The following LPA variants were observed in gnomAD, a reference collection of about 807,000 sequenced individuals.
LPA encodes apolipoprotein(a).
In LPA, 199 loss-of-function variants were observed where a neutral mutation model predicts 197.9. That is an observed-to-expected ratio of 1.01 (90% confidence interval 0.90 to 1.13). The LOEUF (loss-of-function observed/expected upper bound fraction) is 1.13, where lower values mean the gene tolerates loss of function less well. Ranked by LOEUF, LPA falls within the 50% of genes most tolerant of loss-of-function variation. LPA has a pLI of 0.00. For synonymous variants in LPA, 715 were observed against 639.5 expected, an observed-to-expected ratio of 1.12 and a Z score of -1.78; for missense variants, 1,853 against 1,785.8, an observed-to-expected ratio of 1.04 and a Z score of -0.68.
chr6:160,579,769 A>C (rs1778755568), intron 26 of LPA, among the ~76,000 whole-genome samples: 1 of 152,260 alleles, frequency 6.6e-6, no homozygotes, highest in African/African-American at 2.4e-5. Context: ...TACACATGTG[A>C]CCTAGTCTCA....
chr6:160,578,627 C>A lies in LPA; in HGVS notation c.4367G>T (p.Arg1456Met). ...PWCYTMDPSV[R>M]WEYCNLTRCP... The stretch of plus-strand genomic sequence containing the variant: ...TCGTGTCAGGTTGCAGTACTCCCAC[C>A]TGACACTGGGATCCATGGTGTAACA... The change falls in exon 27 of 39, where the codon AGG becomes ATG. Residue 1456 changes from arginine (R) to methionine (M), a missense_variant. Around this residue, in one of 3 missense-constraint regions of LPA, gnomAD observed 1,737 missense variants for 1,504.4 expected, o/e 1.15. Transcript: ENST00000316300. The A allele has an allele frequency of 6.2e-7, 1 of 1,614,020 alleles. No individual in the cohort carries two copies. The highest frequency in any genetic ancestry group is 8.5e-7 in the Non-Finnish European group (1 of 1,179,920).
intron 37 of LPA, among the ~76,000 whole-genome samples, chr6:160,533,552 T>C (rs1170182667): frequency 2.0e-5 from 3 of 152,220 alleles, no homozygotes; most frequent in Non-Finnish European, 4.4e-5. Context: ...ATAAATTTCA[T>C]TCTTATTCCT....
chr6:160,601,925 C>T (rs980660354), intron 18 of LPA, among the ~76,000 whole-genome samples: 4 of 152,196 alleles, frequency 2.6e-5, no homozygotes, highest in African/African-American at 9.6e-5. Flanking sequence ...GCTGGGCAGA[C>T]TATGAGGTCT....
At chr6:160,570,607 A>C (rs889578708) in intron 28 of LPA, among the ~76,000 whole-genome samples, 10 of 152,202 alleles carry the variant, frequency 6.6e-5, no homozygotes, top group African/African-American at 2.4e-4. Flanking sequence ...CACCTTGTGC[A>C]CATGTACCCT....
intron 1 of LPA, among the ~76,000 whole-genome samples, chr6:160,652,898 C>G (rs558419412): frequency 6.6e-6 from 1 of 151,804 alleles, no homozygotes; most frequent in Non-Finnish European, 1.5e-5. Context: ...AATACTAAAA[C>G]CATTAAAAAT....
intron 27 of LPA, 131 bp from the exon 28 acceptor site, chr6:160,577,426 G>A (rs1458042813): frequency 2.5e-6 from 2 of 789,034 alleles, no homozygotes; most frequent in East Asian, 2.7e-5. Flanking sequence ...AGTAGCAAAA[G>A]GATGTGAAAA....
rs76211344 is a variant in LPA at position 160,656,528 on chromosome 6, G to A, written c.50-6031C>T. On this transcript the variant is annotated intron_variant, in intron 1 of 38. Transcript: ENST00000316300. ...TCCATAAGCCCCTACTTTAACTGGG[G>A]AACCACAATAACGTTTTGGGTACCC... Among the ~76,000 whole-genome samples, 810 of 152,308 alleles carry A rather than the reference G, an allele frequency of 5.3e-3. 5 individuals are homozygous for A. The highest frequency in any genetic ancestry group is 0.01 in the Middle Eastern group (3 of 294).
chr6:160,657,686 T>G (rs1455172721), intron 1 of LPA, among the ~76,000 whole-genome samples: 2 of 152,132 alleles, frequency 1.3e-5, no homozygotes. Context: ...CGTGAGCCAC[T>G]GCTCCCGGCC....
chr6:160,576,690 G>A (rs9457944), intron 28 of LPA, among the ~76,000 whole-genome samples: 21,021 of 74,562 alleles, frequency 0.28, 2,453 homozygotes, highest in African/African-American at 0.49. Flanking sequence ...GTGTGTGTGT[G>A]TATATATATA....
At position 160,654,090 on chromosome 6, in the gene LPA, TTATATATA is replaced by T. The variant is rs1562355110; in HGVS notation, c.50-3601_50-3594del. Among the ~76,000 whole-genome samples the T allele has an allele frequency of 1.6e-3, 42 of 26,770 alleles. 3 individuals are homozygous for T. The highest frequency in any genetic ancestry group is 7.0e-3 in the African/African-American group (40 of 5,688). The allele number at this position is 26,770 out of a possible 152,430, so 17.6% of individuals were successfully genotyped here. A position where few individuals can be genotyped will look rare whatever the true frequency, so the allele number is the denominator to read the frequency against. ...TTATATATAATATATATTATATATA[TTATATATA>T]ATATAATATATTATATGTATATAAA... is the stretch of plus-strand genomic sequence containing the variant. On this transcript the variant is annotated intron_variant, in intron 1 of 38. Coordinates refer to ENST00000316300, the MANE Select transcript of LPA (RefSeq NM_005577.4).
chr6:160,664,037 C>T, intron 1 of LPA, 129 bp downstream of exon 1: 1 of 1,245,130 alleles, frequency 8.0e-7, no homozygotes, highest in African/African-American at 1.5e-5. Context: ...CAATCATATA[C>T]AAGATTTTGA....
Position 160,590,853 on chromosome 6 carries a change from G to C in LPA, c.3787+91C>G. On this transcript the variant is annotated intron_variant, in intron 23 of 38. Transcript: ENST00000316300. ...CCTGAGTCCACATTCAGATTCCCGT[G>C]CAGCATGGAAGGCTTCTGTATCACT... is the stretch of plus-strand genomic sequence containing the variant. The C allele has an allele frequency of 1.3e-6, 2 of 1,531,106 alleles. 1 individual carries two copies. Among genetic ancestry groups the C allele is most frequent in the South Asian group, 2.3e-5 (2 of 87,672 alleles). 94.8% of individuals were successfully genotyped at this position (1,531,106 alleles called of 1,614,324 possible).
intron 16 of LPA, 67 bp downstream of exon 16, chr6:160,611,495 G>C (rs571376054): frequency 3.1e-6 from 5 of 1,592,556 alleles, no homozygotes; most frequent in African/African-American, 2.7e-5. Context: ...TCAGCTTGAA[G>C]CATGTCTCTT....
In LPA at chr6:160,650,336, A is replaced by T. The variant is rs1382859265; in HGVS notation, c.209+2T>A. 1 of 1,613,062 alleles carries T rather than the reference A, an allele frequency of 6.2e-7. No individual in the cohort carries two copies. The highest frequency in any genetic ancestry group is 1.3e-5 in the African/African-American group (1 of 74,892). On this transcript the variant is annotated splice_donor_variant, in intron 2 of 38. Transcript: ENST00000316300. LOFTEE classifies it high-confidence loss of function. ...TTGCTTACTGTAAGATTAATGACAT[A>T]CGCATTTGGGTAGTTTTCTGTGGTC...
rs75573224 is a variant in LPA, at chr6:160,611,521, G to C, written c.2603+41C>G. On this transcript the variant is annotated intron_variant, in intron 16 of 38. Transcript: ENST00000316300. Reference sequence around the variant, plus strand: ...CATGTCTCTTGTCACAGAAACTTCAGTTGGCCCTTTATTCTCTTATGGTAA... The same window carrying C: ...CATGTCTCTTGTCACAGAAACTTCACTTGGCCCTTTATTCTCTTATGGTAA... 3.4e-3 allele frequency: 5,459 copies of C among 1,604,862 alleles called. 57 individuals are homozygous for C. Among genetic ancestry groups the C allele is most frequent in the Admixed American group, 4.6e-3 (278 of 59,988 alleles).
chr6:160,652,016 CAA>C (rs58821197), intron 1 of LPA, among the ~76,000 whole-genome samples: 4 of 122,542 alleles, frequency 3.3e-5, no homozygotes, highest in Non-Finnish European at 5.0e-5. Context: ...GAGTTCCTGA[CAA>C]AAAAAAAAAA....
chr6:160,659,918 G>C (rs80016932), intron 1 of LPA, among the ~76,000 whole-genome samples: 1 of 135,076 alleles, frequency 7.4e-6, no homozygotes, highest in African/African-American at 2.9e-5. Flanking sequence ...AAGTACAACG[G>C]GTACGGCTAA....
rs1427668207 is a variant in LPA, at chr6:160,557,463, T to G, written c.4740A>C (p.Ser1580=). The G allele has an allele frequency of 3.1e-6, 5 of 1,614,060 alleles. No homozygotes were observed. In the African/African-American group the frequency reaches 6.7e-5, roughly 22 times the overall value. ...RWEYCNLTQC[S]ETESGVLETP... is the part of the protein sequence containing the mutation. ...TCTCTAGGACACCTGATTCTGTTTCTGAGCATTGTGTCAGATTGCAGTACT... is the reference window on the plus strand; with the variant it reads ...TCTCTAGGACACCTGATTCTGTTTCGGAGCATTGTGTCAGATTGCAGTACT... The change falls in exon 29 of 39, where the codon TCA becomes TCC. Residue 1580 remains serine, a synonymous_variant. Transcript: ENST00000316300.
At chr6:160,597,279 T>G (rs376675525) in intron 20 of LPA, among the ~76,000 whole-genome samples, 2 of 152,366 alleles carry the variant, frequency 1.3e-5, no homozygotes, top group African/African-American at 4.8e-5. Context: ...ATCAAGGAAA[T>G]CTCTAACTCA....
Sources: allele counts gnomAD v4.1 joint callset (sites outside exome capture counted in the v4.1 genomes callset), GRCh38; gene constraint gnomAD v4.1.1; regional missense constraint gnomAD v4.1.1; transcripts MANE v1.5; gene names NCBI Gene and HGNC (gene_info 2026-07-23, HGNC 2026-07-21).